FGD4: variants seen among roughly 807,000 people sequenced by gnomAD.
FGD4 encodes the protein FYVE, RhoGEF and PH domain-containing protein 4.
Under a neutral mutation model 102.0 loss-of-function variants are expected in FGD4, and 42 were observed. The observed-to-expected ratio is 0.41, with a 90% confidence interval of 0.32 to 0.53. The LOEUF is 0.53. Ranked by LOEUF, FGD4 falls within the 20% of genes least tolerant of loss-of-function variation. The pLI, the probability that FGD4 is intolerant of heterozygous loss-of-function variation, is 0.21. For missense variants in FGD4, 902 were observed against 1,078.2 expected (o/e 0.84, Z 2.29); for synonymous variants, 380 against 375.7 (o/e 1.01, Z -0.13).
At chr12:32,524,004 C>T (rs1195107114) in intron 1 of FGD4, among the ~76,000 whole-genome samples, 1 of 150,976 alleles carries the variant, frequency 6.6e-6, no homozygotes, top group East Asian at 2.0e-4. Flanking sequence ...ATAGTTCTTC[C>T]GGTTTGAATA....
Position 32,480,561 on chromosome 12 carries a change from C to T in FGD4, c.166+80602C>T, listed in dbSNP as rs1211619685. Among the ~76,000 whole-genome samples, 14 of 151,756 alleles carry T rather than the reference C, an allele frequency of 9.2e-5. 1 individual carries two copies. The highest frequency in any genetic ancestry group is 2.1e-4 in the South Asian group (1 of 4,788). The stretch of plus-strand genomic sequence containing the variant: ...CTGTCACCAGGCTGGAGTGCAGTGG[C>T]GCAATCTCAGCTCACTGCAACCTCC... On this transcript the variant is annotated intron_variant, in intron 1 of 16. Transcript: ENST00000534526.
intron 1 of FGD4, among the ~76,000 whole-genome samples, chr12:32,533,713 C>A (rs1469726188): frequency 1.3e-5 from 2 of 152,228 alleles, no homozygotes; most frequent in Non-Finnish European, 2.9e-5. Flanking sequence ...GCGTTAGCCG[C>A]CGCGCCTGGC....
At chr12:32,479,762 C>A (rs1943672769) in intron 1 of FGD4, among the ~76,000 whole-genome samples, 1 of 149,408 alleles carries the variant, frequency 6.7e-6, no homozygotes, top group Non-Finnish European at 1.5e-5. Flanking sequence ...GAAATATAAG[C>A]AGAAAAATTT....
intron 16 of FGD4, 43 bp downstream of exon 16, chr12:32,638,838 G>A: frequency 6.2e-7 from 1 of 1,613,086 alleles, no homozygotes; most frequent in Non-Finnish European, 8.5e-7. Context: ...TGCCCTTGGG[G>A]GCAAGGGGAA....
chr12:32,563,637 G>A (rs1413994936), intron 1 of FGD4, among the ~76,000 whole-genome samples: 2 of 152,318 alleles, frequency 1.3e-5, no homozygotes, highest in East Asian at 1.9e-4. Flanking sequence ...CACTTTGGGA[G>A]GCCAAGGCAG....
At chr12:32,549,645 C>T (rs1943495282) in intron 1 of FGD4, among the ~76,000 whole-genome samples, 1 of 152,070 alleles carries the variant, frequency 6.6e-6, no homozygotes, top group South Asian at 2.1e-4. Context: ...AAAGAAAGTA[C>T]CAAAGGGACT....
Position 32,578,071 on chromosome 12 carries a change from A to T in FGD4, c.503+1622A>T, listed in dbSNP as rs147927639. 1.7e-3 allele frequency among the ~76,000 whole-genome samples: 255 copies of T among 152,282 alleles called. 1 individual carries two copies. Among genetic ancestry groups the T allele is most frequent in the African/African-American group, 5.3e-3 (221 of 41,546 alleles). ...TTTTTTAATCATTCAAGCTTCATAA[A>T]TTCAATCCTGTTTTGATGCAAAGGT... On this transcript the variant is annotated intron_variant, in intron 3 of 16. Coordinates refer to ENST00000534526, the MANE Select transcript of FGD4 (RefSeq NM_001370298.3).
chr12:32,399,947 T>A lies in FGD4; in HGVS notation c.154T>A (p.Ser52Thr), dbSNP rs893704688. Residue 52 changes from serine (S) to threonine (T), a missense_variant, in exon 1 of 17, where the codon TCA (serine) becomes ACA (threonine). By Grantham distance (58) the Ser-to-Thr change is moderately conservative. This residue lies in a region of FGD4 where 443 missense variants were observed against 459.2 expected (regional missense o/e 0.96). Coordinates refer to ENST00000534526, the MANE Select transcript of FGD4 (RefSeq NM_001370298.3). ...GTAAFKGQVP[S>T]GATGSSTCPK... ...CGCTGCCTTCAAGGGCCAGGTGCCC[T>A]CAGGAGCCACAGGTAAGCGCCTCGG... The A allele has an allele frequency of 6.7e-7, 1 of 1,491,026 alleles. No homozygotes were observed. Among genetic ancestry groups the A allele is most frequent in the African/African-American group, 1.5e-5 (1 of 68,730 alleles). 92.4% of individuals were successfully genotyped at this position (1,491,026 alleles called of 1,614,324 possible). A position where few individuals can be genotyped will look rare whatever the true frequency, so the allele number is the denominator to read the frequency against.
In FGD4 at chr12:32,506,493, A is replaced by G. The variant is rs1178811602; in HGVS notation, c.167-57644A>G. ...ACGACTATGGTCCACTCTAGGACAT[A>G]TCTGTCACCTGGGCAGCATCTAGCA... is the stretch of plus-strand genomic sequence containing the variant. On this transcript the variant is annotated intron_variant, in intron 1 of 16. Transcript: ENST00000534526. The surrounding 1 kb of genome is among the most constrained non-coding windows in gnomAD (Gnocchi z 4.5). 1.3e-5 allele frequency among the ~76,000 whole-genome samples: 2 copies of G among 152,126 alleles called. No homozygotes were observed. Among genetic ancestry groups the G allele is most frequent in the African/African-American group, 2.4e-5 (1 of 41,424 alleles).
chr12:32,599,387 G>T (rs113772734), intron 5 of FGD4, among the ~76,000 whole-genome samples: 3 of 139,730 alleles, frequency 2.1e-5, no homozygotes, highest in Admixed American at 7.3e-5. Context: ...CCAGCTACTC[G>T]GGAGGCTGAG....
intron 1 of FGD4, among the ~76,000 whole-genome samples, chr12:32,535,971 A>G (rs1942217150): frequency 6.6e-6 from 1 of 152,184 alleles, no homozygotes; most frequent in Non-Finnish European, 1.5e-5. Context: ...AGGTTTTTAA[A>G]CTGAGAAGAC....
intron 15 of FGD4, among the ~76,000 whole-genome samples, chr12:32,636,898 T>G (rs990125582): frequency 1.1e-4 from 17 of 148,750 alleles, no homozygotes; most frequent in Non-Finnish European, 2.4e-4. Context: ...TTAGACAGAG[T>G]CTTGCTCTGT....
intron 1 of FGD4, among the ~76,000 whole-genome samples, chr12:32,405,920 T>A (rs1221531751): frequency 6.6e-6 from 1 of 152,044 alleles, no homozygotes; most frequent in Non-Finnish European, 1.5e-5. Flanking sequence ...GAAAAAGGAT[T>A]AGAACATGAT....
At chr12:32,507,391 G>A (rs1236379754) in intron 1 of FGD4, among the ~76,000 whole-genome samples, 1 of 152,098 alleles carries the variant, frequency 6.6e-6, no homozygotes, top group East Asian at 1.9e-4. Flanking sequence ...ATCTAGGGCA[G>A]TCCCATATAA....
chr12:32,564,072 A>G (rs1944976592), intron 1 of FGD4, 65 bp from the exon 2 acceptor site: 1 of 1,444,754 alleles, frequency 6.9e-7, no homozygotes, highest in African/African-American at 1.4e-5. Context: ...GGGAAATTTA[A>G]CTTATAAGGC....
At chr12:32,453,817 A>C (rs939620699) in intron 1 of FGD4, among the ~76,000 whole-genome samples, 1 of 152,202 alleles carries the variant, frequency 6.6e-6, no homozygotes, top group African/African-American at 2.4e-5. Flanking sequence ...CCCAGTACCT[A>C]ACTGAACAAC....
intron 1 of FGD4, among the ~76,000 whole-genome samples, chr12:32,407,376 T>G (rs1940987458): frequency 6.6e-6 from 1 of 151,952 alleles, no homozygotes. Context: ...TCCACCTGCC[T>G]TAGCCTCCCA....
chr12:32,420,154 C>T (rs1316209985), intron 1 of FGD4, among the ~76,000 whole-genome samples: 3 of 152,134 alleles, frequency 2.0e-5, no homozygotes, highest in African/African-American at 7.2e-5. Flanking sequence ...TCTATTCCAT[C>T]ATCTTGCTCT....
At chr12:32,524,557 G>A (rs189101086) in intron 1 of FGD4, among the ~76,000 whole-genome samples, 2 of 151,386 alleles carry the variant, frequency 1.3e-5, no homozygotes, top group Admixed American at 6.6e-5. Flanking sequence ...TATGTGGCAG[G>A]CTCACGCCTG....
Sources: allele counts gnomAD v4.1 joint callset (sites outside exome capture counted in the v4.1 genomes callset), GRCh38; gene constraint gnomAD v4.1.1; regional missense constraint gnomAD v4.1.1; non-coding constraint Gnocchi (gnomAD v3.1); transcripts MANE v1.5; gene names NCBI Gene and HGNC (gene_info 2026-07-23, HGNC 2026-07-21).